The following HUWE1 variants were observed in gnomAD, a reference collection of about 807,000 sequenced individuals.
HUWE1 encodes the protein HECT, UBA and WWE domain containing E3 ubiquitin protein ligase 1, also known as E3 ubiquitin-protein ligase HUWE1.
A neutral mutation model predicts 299.4 loss-of-function variants in HUWE1; 18 were observed. That is an observed-to-expected ratio of 0.06 (90% CI 0.04 to 0.09). HUWE1 has a LOEUF of 0.09. Ranked by LOEUF, HUWE1 falls within the 10% of genes least tolerant of loss-of-function variation. The pLI, the probability that HUWE1 is intolerant of heterozygous loss-of-function variation, is 1.00. For synonymous variants in HUWE1, 1,317 were observed against 1,286.1 expected (o/e 1.02, Z -0.51); for missense variants, 1,832 against 3,462.3 (o/e 0.53, Z 11.82).
chrX:53,602,526 T>C (rs782489495), intron 28 of HUWE1, 38 bp downstream of exon 28: 7 of 805,637 alleles, frequency 8.7e-6, no homozygotes, highest in African/African-American at 4.0e-5. Flanking sequence ...GAACAAAACT[T>C]AGAAGTAATG....
Position 53,542,550 on chromosome X carries a change from G to A in HUWE1, c.11380-11C>T, listed in dbSNP as rs782128240. On this transcript the variant is annotated splice_polypyrimidine_tract_variant and intron_variant, in intron 73 of 83. Transcript: ENST00000262854. ...CTGGCTAGACTCCGACTGGATAAAAGGGAGACAAAAATCACATAAGGGTGC... is the reference window on the plus strand; with the variant it reads ...CTGGCTAGACTCCGACTGGATAAAAAGGAGACAAAAATCACATAAGGGTGC... 1.1e-5 allele frequency: 12 copies of A among 1,128,057 alleles called. No individual in the cohort carries two copies. The highest frequency in any genetic ancestry group is 2.2e-5 in the Admixed American group (1 of 45,738). The allele number at this position is 1,128,057 out of a possible 1,213,427, so 93.0% of individuals were successfully genotyped here.
In HUWE1 at chrX:53,623,472, A is replaced by C. The variant is rs782423285; in HGVS notation, c.1672+1123T>G. ...ATGGTAGAGTTGCTACACCACAAGA[A>C]GACTTCCTCAACCTGACAAAATTGA... On this transcript the variant is annotated intron_variant, in intron 19 of 83. Transcript: ENST00000262854. Among the ~76,000 whole-genome samples, 19 of 112,459 alleles carry C rather than the reference A, an allele frequency of 1.7e-4. No homozygotes were observed. In the East Asian group the frequency reaches 4.2e-3, roughly 25 times the overall value.
chrX:53,598,779 G>C (rs1181660453), intron 29 of HUWE1, among the ~76,000 whole-genome samples: 1 of 111,301 alleles, frequency 9.0e-6, no homozygotes, highest in Non-Finnish European at 1.9e-5. Context: ...TGTTGCTCAA[G>C]GGTTAAATCT....
chrX:53,540,867 T>A (rs2061314966), intron 74 of HUWE1, among the ~76,000 whole-genome samples: 1 of 111,927 alleles, frequency 8.9e-6, no homozygotes, highest in Non-Finnish European at 1.9e-5. Flanking sequence ...GGTTTCTTCC[T>A]GACCTTTGCT....
At chrX:53,535,312 T>G in intron 81 of HUWE1, 72 bp downstream of exon 81, 1 of 666,739 alleles carries the variant, frequency 1.5e-6, no homozygotes, top group Non-Finnish European at 2.5e-6. Context: ...AAACAAAACA[T>G]GCCTATCAAA....
rs202159674 is a variant in HUWE1, at chrX:53,631,772, CA to C, written c.646-159del. On this transcript the variant is annotated intron_variant, in intron 9 of 83. Coordinates refer to ENST00000262854, the MANE Select transcript of HUWE1 (RefSeq NM_031407.7). ...AAATCAAGGTAAATTGAGAATCTTC[CA>C]AAACATCCATCTTATATGTAGAATA... is the stretch of plus-strand genomic sequence containing the variant. 1,973 of 461,260 alleles carry C rather than the reference CA, an allele frequency of 4.3e-3. 36 individuals carry two copies. In the African/African-American group the frequency reaches 0.043, roughly 10 times the overall value. 38.0% of individuals were successfully genotyped at this position (461,260 alleles called of 1,213,427 possible).
intron 58 of HUWE1, 30 bp downstream of exon 58, chrX:53,558,941 T>C: frequency 8.5e-7 from 1 of 1,181,740 alleles, no homozygotes; most frequent in Admixed American, 2.2e-5. Flanking sequence ...GAAGGCTCAC[T>C]ATTGCCCTGA....
intron 5 of HUWE1, 68 bp downstream of exon 5, chrX:53,648,144 T>C: frequency 2.9e-6 from 2 of 697,204 alleles, no homozygotes; most frequent in Non-Finnish European, 4.6e-6. Flanking sequence ...TCTTATTCCA[T>C]ATCAGAGCAT....
chrX:53,568,928 C>T (rs2062693500), intron 48 of HUWE1, 54 bp from the exon 49 acceptor site: 4 of 1,020,290 alleles, frequency 3.9e-6, no homozygotes, highest in Non-Finnish European at 5.4e-6. Flanking sequence ...TTTCTCAGGC[C>T]AAGTCTTCAC....
chrX:53,553,431 C>A (rs782779539), intron 61 of HUWE1, among the ~76,000 whole-genome samples: 33 of 107,343 alleles, frequency 3.1e-4, no homozygotes, highest in Non-Finnish European at 4.6e-4. Context: ...TGTGAGCCAC[C>A]GCGCCCAGCC....
rs1170315918 is a variant in HUWE1 at position 53,542,433 on chromosome X, T to C, written c.11476+10A>G. Reference sequence around the variant, plus strand: ...CTTTTGCTCGGCTGGAAACAGGAAGTAGTACTGACCAATGGATTGAGTATC... The same window carrying C: ...CTTTTGCTCGGCTGGAAACAGGAAGCAGTACTGACCAATGGATTGAGTATC... On this transcript the variant is annotated intron_variant, in intron 74 of 83. Coordinates refer to ENST00000262854, the MANE Select transcript of HUWE1 (RefSeq NM_031407.7). 2.7e-6 allele frequency: 3 copies of C among 1,107,602 alleles called. No homozygotes were observed. The African/African-American group carries it at 5.4e-5, about 20-fold the overall frequency. The allele number at this position is 1,107,602 out of a possible 1,213,427, so 91.3% of individuals were successfully genotyped here.
intron 56 of HUWE1, 98 bp from the exon 57 acceptor site, chrX:53,559,630 C>T: frequency 1.4e-6 from 1 of 730,442 alleles, no homozygotes; most frequent in Admixed American, 2.6e-5. Context: ...CTATTAAATG[C>T]AGAACATGAT....
Position 53,627,725 on chromosome X carries a change from T to C in HUWE1, c.1383+14A>G. ...TATTAAATTCTGTGCAAAGCATTCC[T>C]TGTATAATAATACCTCAAGTCTATA... On this transcript the variant is annotated intron_variant, in intron 16 of 83. Transcript: ENST00000262854. The C allele has an allele frequency of 8.4e-7, 1 of 1,185,106 alleles. No individual in the cohort carries two copies. The highest frequency in any genetic ancestry group is 1.1e-6 in the Non-Finnish European group (1 of 871,564).
At chrX:53,622,015 A>G (rs948301829) in intron 19 of HUWE1, among the ~76,000 whole-genome samples, 1 of 112,360 alleles carries the variant, frequency 8.9e-6, no homozygotes, top group African/African-American at 3.2e-5. Flanking sequence ...AATGAAATAC[A>G]GGTGGCTAAA....
chrX:53,595,498 C>T, intron 29 of HUWE1, 95 bp from the exon 30 acceptor site: 5 of 682,333 alleles, frequency 7.3e-6, no homozygotes, highest in African/African-American at 4.3e-5. Context: ...TATGACTCAC[C>T]ACTTCCTCCT....
chrX:53,567,052 G>C (rs193186148), intron 49 of HUWE1, among the ~76,000 whole-genome samples: 1 of 111,865 alleles, frequency 8.9e-6, no homozygotes, highest in East Asian at 2.8e-4. Flanking sequence ...TATAAATTTA[G>C]TATTATTATA....
intron 4 of HUWE1, among the ~76,000 whole-genome samples, chrX:53,650,997 G>C (rs1218652171): frequency 9.0e-6 from 1 of 111,169 alleles, no homozygotes; most frequent in African/African-American, 3.3e-5. Flanking sequence ...AATCTTGCTG[G>C]ACGTTTACTG....
At chrX:53,552,943 A>G in intron 61 of HUWE1, 50 bp from the exon 62 acceptor site, 1 of 1,187,342 alleles carries the variant, frequency 8.4e-7, no homozygotes, top group Non-Finnish European at 1.1e-6. Context: ...GAACCGGGGC[A>G]AAATGACAGA....
chrX:53,576,811 GCTCA>G (rs1309886498), intron 44 of HUWE1, 85 bp downstream of exon 44: 49 of 897,125 alleles, frequency 5.5e-5, no homozygotes, highest in Non-Finnish European at 7.0e-5. Flanking sequence ...CATAGTGAGT[GCTCA>G]CTAAGCCATG....
Sources: gnomAD v4.1 joint callset for allele counts (sites outside exome capture counted in the v4.1 genomes callset) on GRCh38, gnomAD v4.1.1 for gene constraint, MANE v1.5 for transcripts, NCBI Gene and HGNC (gene_info 2026-07-23, HGNC 2026-07-21) for gene names.